ROBO1: variants seen among roughly 807,000 people sequenced by gnomAD.
The protein encoded by ROBO1 is roundabout guidance receptor 1.
In ROBO1, 149 loss-of-function variants were observed where a neutral mutation model predicts 195.9. The ratio of observed to expected loss-of-function variants is 0.76; its 90% confidence interval spans 0.67 to 0.87. The LOEUF is 0.87. Ranked by LOEUF, ROBO1 falls within the 40% of genes least tolerant of loss-of-function variation. ROBO1 has a pLI of 0.00. For synonymous variants in ROBO1, 816 were observed against 733.2 expected (o/e 1.11, Z -1.82); for missense variants, 1,933 against 2,068.3 (o/e 0.93, Z 1.27).
In ROBO1 at chr3:78,598,688, C is replaced by T. The variant is rs1702983619; in HGVS notation, c.*225G>A. 1 of 377,620 alleles carries T rather than the reference C, an allele frequency of 2.6e-6. No individual in the cohort carries two copies. Among genetic ancestry groups the T allele is most frequent in the Admixed American group, 4.3e-5 (1 of 23,024 alleles). 23.4% of individuals were successfully genotyped at this position (377,620 alleles called of 1,614,324 possible). A position where few individuals can be genotyped will look rare whatever the true frequency, so the allele number is the denominator to read the frequency against. ...TGGAAGTAAGGTATAATGGTTTGCT[C>T]CAACAGCGAGGGGAATAGGAAGGCT... On this transcript the variant is annotated 3_prime_UTR_variant, in exon 31 of 31. Transcript: ENST00000464233.
At chr3:79,057,240 G>T (rs991760722) in intron 3 of ROBO1, among the ~76,000 whole-genome samples, 1 of 151,994 alleles carries the variant, frequency 6.6e-6, no homozygotes, top group Non-Finnish European at 1.5e-5. Flanking sequence ...TCAAAAGGCA[G>T]AGTTAATTTC....
chr3:78,952,741 T>C (rs866380222), intron 3 of ROBO1, among the ~76,000 whole-genome samples: 27 of 152,046 alleles, frequency 1.8e-4, no homozygotes, highest in African/African-American at 6.0e-4. Flanking sequence ...ACATAGTACA[T>C]GAATACAAGG....
chr3:79,062,487 C>A (rs1173145375), intron 3 of ROBO1, among the ~76,000 whole-genome samples: 4 of 152,094 alleles, frequency 2.6e-5, no homozygotes, highest in East Asian at 1.9e-4. Context: ...ACCCAGTGAT[C>A]CCATTACTGG....
intron 4 of ROBO1, among the ~76,000 whole-genome samples, chr3:78,751,491 T>C (rs1421268679): frequency 6.6e-6 from 1 of 152,126 alleles, no homozygotes; most frequent in Admixed American, 6.6e-5. Flanking sequence ...GTGGCCAAGC[T>C]AGAATATAGA....
intron 1 of ROBO1, among the ~76,000 whole-genome samples, chr3:79,681,885 T>C (rs1428835256): frequency 6.6e-6 from 1 of 152,084 alleles, no homozygotes; most frequent in Non-Finnish European, 1.5e-5. Flanking sequence ...GTATTTTTAT[T>C]TATGTTTGTA....
intron 3 of ROBO1, among the ~76,000 whole-genome samples, chr3:79,023,507 A>G (rs1480062088): frequency 6.6e-6 from 1 of 152,072 alleles, no homozygotes; most frequent in Non-Finnish European, 1.5e-5. Flanking sequence ...GTAGCTTCAA[A>G]TGTACATAAG....
At chr3:79,597,644 T>C (rs1163988849) in intron 1 of ROBO1, among the ~76,000 whole-genome samples, 1 of 152,066 alleles carries the variant, frequency 6.6e-6, no homozygotes, top group Admixed American at 6.6e-5. Flanking sequence ...CTCCAAACTA[T>C]TACATCCTTG....
intron 8 of ROBO1, among the ~76,000 whole-genome samples, chr3:78,699,395 C>CAAAAAAAAAAAA (rs60574193): frequency 1.1e-4 from 9 of 83,016 alleles, no homozygotes; most frequent in South Asian, 5.4e-4. Flanking sequence ...ACTAAAAATA[C>CAAAAAAAAAAAA]AAAAAAAAAA....
chr3:79,062,871 T>C (rs1271906261), intron 3 of ROBO1, among the ~76,000 whole-genome samples: 2 of 151,862 alleles, frequency 1.3e-5, no homozygotes, highest in African/African-American at 4.8e-5. Flanking sequence ...TTAGGAGAAA[T>C]ACCTAATGTA....
intron 4 of ROBO1, among the ~76,000 whole-genome samples, chr3:78,774,295 T>G (rs1037838258): frequency 6.6e-6 from 1 of 152,142 alleles, no homozygotes; most frequent in Non-Finnish European, 1.5e-5. Flanking sequence ...TGTTTTATTC[T>G]TTAAAGATAT....
chr3:79,107,879 C>A (rs942851446), intron 3 of ROBO1, among the ~76,000 whole-genome samples: 1 of 151,594 alleles, frequency 6.6e-6, no homozygotes, highest in Non-Finnish European at 1.5e-5. Context: ...TCAACAAGTA[C>A]AATTTTCCCT....
At chr3:79,364,032 G>A (rs773409669) in intron 2 of ROBO1, among the ~76,000 whole-genome samples, 2 of 151,824 alleles carry the variant, frequency 1.3e-5, no homozygotes, top group Non-Finnish European at 2.9e-5. Flanking sequence ...GTGAAACTCC[G>A]TCTCTACTAA....
At chr3:79,536,187 TATATATCCC>T (rs1265662872) in intron 2 of ROBO1, among the ~76,000 whole-genome samples, 1 of 152,120 alleles carries the variant, frequency 6.6e-6, no homozygotes, top group African/African-American at 2.4e-5. Context: ...TATATACATA[TATATATCCC>T]ATATATCCCA....
Position 78,603,630 on chromosome 3 carries a change from C to A in ROBO1, c.4744+3103G>T, listed in dbSNP as rs925567240. On this transcript the variant is annotated intron_variant, in intron 29 of 30. Coordinates refer to ENST00000464233, the MANE Select transcript of ROBO1 (RefSeq NM_002941.4). The stretch of plus-strand genomic sequence containing the variant: ...TCAGAAATTCAAGTCCAAAAGACCA[C>A]TCTCCTTAATGAAAAATAATCATTC... Among the ~76,000 whole-genome samples the A allele has an allele frequency of 3.3e-5, 5 of 152,250 alleles. No individual in the cohort carries two copies. In the East Asian group the frequency reaches 9.6e-4, roughly 29 times the overall value.
chr3:79,047,731 T>C (rs2078621392), intron 3 of ROBO1, among the ~76,000 whole-genome samples: 1 of 152,114 alleles, frequency 6.6e-6, no homozygotes, highest in Non-Finnish European at 1.5e-5. Flanking sequence ...TCATATTTTA[T>C]ATGTTGCATC....
chr3:79,068,204 C>T (rs1000710198), intron 3 of ROBO1, among the ~76,000 whole-genome samples: 1 of 151,996 alleles, frequency 6.6e-6, no homozygotes, highest in African/African-American at 2.4e-5. Flanking sequence ...TGGAGACTGG[C>T]TAACCAAAGT....
At chr3:79,116,496 CTCTT>C (rs552810298) in intron 3 of ROBO1, among the ~76,000 whole-genome samples, 277 of 143,982 alleles carry the variant, frequency 1.9e-3, no homozygotes, top group African/African-American at 4.3e-3. Context: ...CCTTCTCTCT[CTCTT>C]TCTTTCTTTT....
intron 3 of ROBO1, among the ~76,000 whole-genome samples, chr3:78,990,265 A>G (rs1355914156): frequency 1.3e-5 from 2 of 152,192 alleles, no homozygotes; most frequent in African/African-American, 2.4e-5. Flanking sequence ...ATAAATGAAT[A>G]AACTGTTTTT....
intron 3 of ROBO1, among the ~76,000 whole-genome samples, chr3:79,041,990 G>A (rs1166125756): frequency 6.6e-6 from 1 of 152,000 alleles, no homozygotes; most frequent in Non-Finnish European, 1.5e-5. Context: ...TCTTTCCCTT[G>A]GCTCTGTTTG....
Sources: allele counts gnomAD v4.1 joint callset (sites outside exome capture counted in the v4.1 genomes callset), GRCh38; gene constraint gnomAD v4.1.1; transcripts MANE v1.5; gene names NCBI Gene and HGNC (gene_info 2026-07-23, HGNC 2026-07-21).